Variants in CNTNAP5 observed in about 807,000 individuals in gnomAD.
CNTNAP5 encodes the protein contactin associated protein family member 5, also known as contactin-associated protein-like 5.
Under a neutral mutation model 150.2 loss-of-function variants are expected in CNTNAP5, and 72 were observed. The observed-to-expected ratio is 0.48, with a 90% CI of 0.40 to 0.58. The LOEUF (loss-of-function observed/expected upper bound fraction) is 0.58. Ranked by LOEUF, CNTNAP5 falls within the 20% of genes least tolerant of loss-of-function variation. The pLI is 0.00. For synonymous variants in CNTNAP5, 672 were observed against 619.8 expected, an observed-to-expected ratio of 1.08 and a Z score of -1.25; for missense variants, 1,636 against 1,626.2, an observed-to-expected ratio of 1.01 and a Z score of -0.10.
chr2:124,630,739 A>G lies in CNTNAP5; in HGVS notation c.1877-17019A>G, dbSNP rs1677835472. Among the ~76,000 whole-genome samples the G allele has an allele frequency of 1.3e-5, 2 of 152,132 alleles. 1 individual carries two copies. The highest frequency in any genetic ancestry group is 4.1e-4 in the South Asian group (2 of 4,830). On this transcript the variant is annotated intron_variant, in intron 12 of 23. Coordinates refer to ENST00000682447, the MANE Select transcript of CNTNAP5 (RefSeq NM_001367498.1). Reference sequence around the variant, plus strand: ...GAGTTCTGGCCAGGGCAATCAGGCAAGAGAAAGAAATAAAGGGTATTCAAA... The same window carrying G: ...GAGTTCTGGCCAGGGCAATCAGGCAGGAGAAAGAAATAAAGGGTATTCAAA...
chr2:124,253,388 T>C (rs1303046512), intron 3 of CNTNAP5, among the ~76,000 whole-genome samples: 1 of 152,186 alleles, frequency 6.6e-6, no homozygotes, highest in Admixed American at 6.5e-5. Flanking sequence ...TGTTTCATCT[T>C]GATTTCTTCT....
chr2:124,504,369 G>T lies in CNTNAP5; in HGVS notation c.1140G>T (p.Leu380=). 2 of 1,613,910 alleles carry T rather than the reference G, an allele frequency of 1.2e-6. No homozygotes were observed. Among genetic ancestry groups the T allele is most frequent in the African/African-American group, 1.3e-5 (1 of 75,024 alleles). ...TFVNSSGSYL[L]LPGTPQIDGL... ...TCAACTCCAGCGGCAGCTATTTGCT[G>T]CTGCCCGGCACCCCCCAAATTGATG... The change falls in exon 8 of 24, where the codon CTG becomes CTT. Residue 380 remains leucine, a synonymous_variant. Coordinates refer to ENST00000682447, the MANE Select transcript of CNTNAP5 (RefSeq NM_001367498.1).
chr2:124,520,476 A>G (rs893235506), intron 8 of CNTNAP5, among the ~76,000 whole-genome samples: 3 of 152,220 alleles, frequency 2.0e-5, no homozygotes, highest in Non-Finnish European at 4.4e-5. Context: ...GGCTGCCACG[A>G]ACAACATATA....
At chr2:124,656,912 C>A (rs538057195) in intron 13 of CNTNAP5, among the ~76,000 whole-genome samples, 43 of 152,298 alleles carry the variant, frequency 2.8e-4, no homozygotes, top group African/African-American at 1.0e-3. Context: ...ACTGTTTTCT[C>A]TTCCTTTATT....
intron 1 of CNTNAP5, among the ~76,000 whole-genome samples, chr2:124,092,958 C>T (rs920799240): frequency 1.3e-5 from 2 of 152,148 alleles, no homozygotes; most frequent in African/African-American, 2.4e-5. Context: ...TTCCTGATGC[C>T]TATAACAAAG....
chr2:124,613,354 A>G (rs1388549045), intron 12 of CNTNAP5, among the ~76,000 whole-genome samples: 1 of 152,156 alleles, frequency 6.6e-6, no homozygotes, highest in Non-Finnish European at 1.5e-5. Context: ...GGGTGTCCAG[A>G]GCACCAGAAG....
At chr2:124,158,308 T>C (rs1045355397) in intron 1 of CNTNAP5, among the ~76,000 whole-genome samples, 1 of 152,152 alleles carries the variant, frequency 6.6e-6, no homozygotes, top group African/African-American at 2.4e-5. Context: ...AAGGATTGGT[T>C]CCAGGACCAC....
intron 1 of CNTNAP5, among the ~76,000 whole-genome samples, chr2:124,048,069 TTC>T (rs1681588164): frequency 6.6e-6 from 1 of 152,246 alleles, no homozygotes; most frequent in Non-Finnish European, 1.5e-5. Flanking sequence ...TTAGCACGAT[TTC>T]TCTGTGTCTC....
intron 1 of CNTNAP5, among the ~76,000 whole-genome samples, chr2:124,183,134 T>TTC (rs1685247465): frequency 6.6e-6 from 1 of 152,212 alleles, no homozygotes; most frequent in Admixed American, 6.5e-5. Flanking sequence ...ATTTAGATTC[T>TTC]TCTCTATGGA....
At position 124,674,355 on chromosome 2, in the gene CNTNAP5, T is replaced by C. The variant is rs1397829493; in HGVS notation, c.2077+26397T>C. On this transcript the variant is annotated intron_variant, in intron 13 of 23. Coordinates refer to ENST00000682447, the MANE Select transcript of CNTNAP5 (RefSeq NM_001367498.1). ...TCCCTCCTTCCCTCCCTCCCTCCCT[T>C]CTTCCCTCCCTCCCTCCTTCCCTCC... 1.7e-3 allele frequency among the ~76,000 whole-genome samples: 186 copies of C among 108,846 alleles called. 1 individual carries two copies. Among genetic ancestry groups the C allele is most frequent in the South Asian group, 5.9e-3 (16 of 2,696 alleles). The allele number at this position is 108,846 out of a possible 152,430, so 71.4% of individuals were successfully genotyped here.
intron 5 of CNTNAP5, among the ~76,000 whole-genome samples, chr2:124,445,979 T>G (rs1349133435): frequency 6.6e-6 from 1 of 152,072 alleles, no homozygotes; most frequent in East Asian, 1.9e-4. Context: ...CCAGGCAGGT[T>G]GGATTGCAAA....
At chr2:124,288,762 A>G (rs1252804288) in intron 3 of CNTNAP5, among the ~76,000 whole-genome samples, 1 of 152,152 alleles carries the variant, frequency 6.6e-6, no homozygotes, top group African/African-American at 2.4e-5. Context: ...TCCTTTAGAT[A>G]CACTGCCCGT....
chr2:124,546,443 C>CA (rs1695512527), intron 10 of CNTNAP5, among the ~76,000 whole-genome samples: 1 of 151,986 alleles, frequency 6.6e-6, no homozygotes, highest in Non-Finnish European at 1.5e-5. Context: ...GAAAGCTATG[C>CA]ACAAGTTTAC....
intron 13 of CNTNAP5, among the ~76,000 whole-genome samples, chr2:124,659,428 T>TA (rs1358793875): frequency 2.0e-5 from 3 of 152,100 alleles, no homozygotes; most frequent in South Asian, 2.1e-4. Flanking sequence ...AGCCTCTGAA[T>TA]AAAAAAATAA....
chr2:124,420,470 C>T (rs1279408067), intron 4 of CNTNAP5, among the ~76,000 whole-genome samples: 1 of 152,140 alleles, frequency 6.6e-6, no homozygotes, highest in Non-Finnish European at 1.5e-5. Context: ...TCCCTTCACA[C>T]TGCAACTGAT....
chr2:124,371,205 C>T (rs1346588117), intron 3 of CNTNAP5, among the ~76,000 whole-genome samples: 3 of 152,072 alleles, frequency 2.0e-5, no homozygotes, highest in Non-Finnish European at 4.4e-5. Flanking sequence ...GTGAGAGTAA[C>T]CCTTTTGCTT....
chr2:124,473,416 C>T (rs1009380459), intron 6 of CNTNAP5, among the ~76,000 whole-genome samples: 1 of 151,940 alleles, frequency 6.6e-6, no homozygotes, highest in African/African-American at 2.4e-5. Context: ...TCAAAAAATT[C>T]TCTTTAAAAA....
intron 3 of CNTNAP5, among the ~76,000 whole-genome samples, chr2:124,357,378 G>C (rs1394464907): frequency 6.6e-6 from 1 of 152,066 alleles, no homozygotes; most frequent in African/African-American, 2.4e-5. Flanking sequence ...TGAAGTCCTT[G>C]CCCATGCCTA....
chr2:124,475,670 T>G (rs543975405), intron 7 of CNTNAP5, among the ~76,000 whole-genome samples: 2 of 152,242 alleles, frequency 1.3e-5, no homozygotes, highest in African/African-American at 4.8e-5. Context: ...TAACTCTCTT[T>G]GCTCTGAAGT....
Sources: allele counts gnomAD v4.1 joint callset (sites outside exome capture counted in the v4.1 genomes callset), GRCh38; gene constraint gnomAD v4.1.1; transcripts MANE v1.5; gene names NCBI Gene and HGNC (gene_info 2026-07-23, HGNC 2026-07-21).